MAML3: variants seen among roughly 807,000 people sequenced by gnomAD.
MAML3 encodes mastermind-like protein 3.
Under a neutral mutation model 101.9 loss-of-function variants are expected in MAML3, and 27 were observed. The ratio of observed to expected loss-of-function variants is 0.27; its 90% CI spans 0.20 to 0.37. MAML3 has a LOEUF of 0.37. Ranked by LOEUF, MAML3 falls within the 10% of genes least tolerant of loss-of-function variation. The pLI is 1.00. For synonymous variants in MAML3, 501 were observed against 555.9 expected (o/e 0.90, Z 1.39); for missense variants, 1,316 against 1,444.9 (o/e 0.91, Z 1.45).
At chr4:139,742,284 G>A (rs948360683) in intron 2 of MAML3, among the ~76,000 whole-genome samples, 7 of 152,088 alleles carry the variant, frequency 4.6e-5, no homozygotes, top group African/African-American at 1.7e-4. Context: ...TAGTAGCTGG[G>A]ATTACAGGCG....
Position 139,890,543 on chromosome 4 carries a change from A to T in MAML3, c.893T>A (p.Leu298Gln). The T allele has an allele frequency of 6.2e-7, 1 of 1,614,038 alleles. No individual in the cohort carries two copies. Among genetic ancestry groups the T allele is most frequent in the Non-Finnish European group, 8.5e-7 (1 of 1,179,892 alleles). Residue 298 changes from leucine (L) to glutamine (Q), a missense_variant, in exon 2 of 5, where the codon CTG becomes CAG. Physicochemically the swap from Leu to Gln is moderately radical, Grantham distance 113 (BLOSUM62 -2). Coordinates refer to ENST00000509479, the MANE Select transcript of MAML3 (RefSeq NM_018717.5). The surrounding 1 kb of genome is among the most constrained non-coding windows in gnomAD (Gnocchi z 4.1). ...SETSLSNQNK[L>Q]FSDINLNDQE... ...ATCATTCAGATTAATGTCTGAGAAC[A>T]GCTTGTTCTGATTTGAAAGAGATGT...
intron 1 of MAML3, among the ~76,000 whole-genome samples, chr4:139,895,796 G>C (rs984973031): frequency 6.6e-6 from 1 of 152,190 alleles, no homozygotes; most frequent in Admixed American, 6.5e-5. Flanking sequence ...GAACAGCAGA[G>C]GCTAGATCGT....
chr4:139,944,163 C>T (rs1046526900), intron 1 of MAML3, among the ~76,000 whole-genome samples: 11 of 151,410 alleles, frequency 7.3e-5, no homozygotes, highest in Non-Finnish European at 1.5e-4. Flanking sequence ...AGCCACCGTG[C>T]CCGGCCTAAA....
At chr4:139,832,095 T>A (rs1230978427) in intron 2 of MAML3, among the ~76,000 whole-genome samples, 1 of 27,842 alleles carries the variant, frequency 3.6e-5, no homozygotes, top group Non-Finnish European at 5.8e-5. Context: ...GCCCAGCCCC[T>A]TTTTTTTTTT....
At chr4:139,874,970 A>T (rs1054279099) in intron 2 of MAML3, among the ~76,000 whole-genome samples, 1 of 151,928 alleles carries the variant, frequency 6.6e-6, no homozygotes, top group African/African-American at 2.4e-5. Flanking sequence ...CGCCCGGCTA[A>T]TTTTTTGTAT....
intron 1 of MAML3, among the ~76,000 whole-genome samples, chr4:139,932,068 G>A (rs1733410794): frequency 6.6e-6 from 1 of 151,964 alleles, no homozygotes; most frequent in Admixed American, 6.6e-5. Flanking sequence ...TTACTACTTT[G>A]AATAGTATTT....
At chr4:139,790,903 CACAGAAACAT>C (rs941278146) in intron 2 of MAML3, among the ~76,000 whole-genome samples, 1 of 152,138 alleles carries the variant, frequency 6.6e-6, no homozygotes, top group Non-Finnish European at 1.5e-5. Context: ...ACTGAATTCC[CACAGAAACAT>C]ACAGAAACCT....
chr4:140,014,951 G>A (rs1444801864), intron 1 of MAML3, among the ~76,000 whole-genome samples: 1 of 152,078 alleles, frequency 6.6e-6, no homozygotes, highest in South Asian at 2.1e-4. Context: ...TTTTACAGAA[G>A]AAAGTAAAGT....
intron 2 of MAML3, among the ~76,000 whole-genome samples, chr4:139,862,553 A>C (rs1731802455): frequency 6.6e-6 from 1 of 152,194 alleles, no homozygotes; most frequent in Admixed American, 6.5e-5. Context: ...TTTGTCACAG[A>C]CCACTCATGC....
chr4:139,937,749 G>T (rs1733534775), intron 1 of MAML3, among the ~76,000 whole-genome samples: 1 of 152,142 alleles, frequency 6.6e-6, no homozygotes, highest in African/African-American at 2.4e-5. Context: ...ACTTTTGGCT[G>T]TCCCTTCTCT....
chr4:139,749,223 T>A (rs1470949488), intron 2 of MAML3, among the ~76,000 whole-genome samples: 2 of 152,240 alleles, frequency 1.3e-5, no homozygotes, highest in Non-Finnish European at 2.9e-5. Flanking sequence ...GCCAAGTTCA[T>A]ATTTGACCTA....
At chr4:139,973,595 C>G (rs1025126786) in intron 1 of MAML3, among the ~76,000 whole-genome samples, 4 of 152,156 alleles carry the variant, frequency 2.6e-5, no homozygotes, top group Non-Finnish European at 5.9e-5. Flanking sequence ...ATATTCAAGT[C>G]AGGCCCCAGT....
intron 2 of MAML3, chr4:139,731,560 T>A (rs1422890275): frequency 6.6e-6 from 1 of 151,320 alleles, no homozygotes; most frequent in Non-Finnish European, 1.5e-5. Context: ...GAGGTTGCAG[T>A]GAGCCGAGGT....
intron 1 of MAML3, among the ~76,000 whole-genome samples, chr4:140,135,617 GC>G (rs1165048426): frequency 6.6e-6 from 1 of 152,232 alleles, no homozygotes; most frequent in Non-Finnish European, 1.5e-5. Context: ...GGGGCCAAGA[GC>G]CCTCTTGCCA....
chr4:140,066,998 A>G (rs940801401), intron 1 of MAML3, among the ~76,000 whole-genome samples: 2 of 152,238 alleles, frequency 1.3e-5, no homozygotes, highest in Non-Finnish European at 2.9e-5. Flanking sequence ...GGTTAGGGCC[A>G]GCATGACTTC....
At chr4:139,822,499 G>A (rs561936467) in intron 2 of MAML3, among the ~76,000 whole-genome samples, 17 of 152,306 alleles carry the variant, frequency 1.1e-4, no homozygotes, top group African/African-American at 3.8e-4. Context: ...AGTCTTAAGA[G>A]TCCCCTTATT....
chr4:139,912,721 C>T (rs544522971), intron 1 of MAML3, among the ~76,000 whole-genome samples: 9 of 152,322 alleles, frequency 5.9e-5, no homozygotes, highest in South Asian at 2.1e-4. Context: ...ACTGGAGTTA[C>T]GCAGCTGCAA....
intron 1 of MAML3, among the ~76,000 whole-genome samples, chr4:140,126,694 T>G (rs1728690600): frequency 6.6e-6 from 1 of 152,174 alleles, no homozygotes; most frequent in African/African-American, 2.4e-5. Context: ...CTGGCTAAAC[T>G]CTAGTCCTAT....
intron 2 of MAML3, among the ~76,000 whole-genome samples, chr4:139,786,633 A>T (rs186334742): frequency 6.6e-6 from 1 of 152,340 alleles, no homozygotes; most frequent in East Asian, 1.9e-4. Flanking sequence ...TGTTTGAGCC[A>T]ATCAATCAGT....
Sources: gnomAD v4.1 joint callset for allele counts (sites outside exome capture counted in the v4.1 genomes callset) on GRCh38, gnomAD v4.1.1 for gene constraint, Gnocchi (gnomAD v3.1) non-coding constraint, MANE v1.5 for transcripts, NCBI Gene and HGNC (gene_info 2026-07-23, HGNC 2026-07-21) for gene names.